The following CNTN5 variants were observed in gnomAD, a reference collection of about 807,000 sequenced individuals.
CNTN5 encodes the protein contactin-5.
A neutral mutation model predicts 129.1 loss-of-function variants in CNTN5; 77 were observed. The observed-to-expected ratio is 0.60, with a 90% CI of 0.50 to 0.72. The LOEUF (loss-of-function observed/expected upper bound fraction) is 0.72. CNTN5 is among the 30% of genes least tolerant of loss of function. CNTN5 has a pLI of 0.00. For missense variants in CNTN5, 1,478 were observed against 1,328.8 expected (o/e 1.11, Z -1.75); for synonymous variants, 509 against 465.6 (o/e 1.09, Z -1.20).
At chr11:99,386,044 C>A (rs1940905220) in intron 2 of CNTN5, among the ~76,000 whole-genome samples, 1 of 152,130 alleles carries the variant, frequency 6.6e-6, no homozygotes, top group Non-Finnish European at 1.5e-5. Context: ...TCTCTGAAGA[C>A]AAAGATCAAC....
At chr11:100,078,893 T>TGG (rs1375487067) in intron 13 of CNTN5, among the ~76,000 whole-genome samples, 3 of 152,064 alleles carry the variant, frequency 2.0e-5, no homozygotes, top group African/African-American at 7.2e-5. Flanking sequence ...TGCCCAAGAC[T>TGG]GGGTAATTTA....
At chr11:99,506,639 A>G (rs1417456815) in intron 2 of CNTN5, among the ~76,000 whole-genome samples, 1 of 152,218 alleles carries the variant, frequency 6.6e-6, no homozygotes. Context: ...CTGTAATGTC[A>G]CATTTTACTT....
intron 1 of CNTN5, among the ~76,000 whole-genome samples, chr11:99,181,160 C>G (rs1264998914): frequency 6.6e-6 from 1 of 152,100 alleles, no homozygotes; most frequent in African/African-American, 2.4e-5. Flanking sequence ...ATCTAGATTA[C>G]TGGGGAGGGG....
chr11:99,738,633 G>A (rs919788378), intron 3 of CNTN5, among the ~76,000 whole-genome samples: 3 of 151,436 alleles, frequency 2.0e-5, no homozygotes, highest in Non-Finnish European at 4.4e-5. Context: ...GTGTGTGTGT[G>A]TGTGTGTGTA....
intron 3 of CNTN5, among the ~76,000 whole-genome samples, chr11:99,663,155 A>T (rs1226629291): frequency 2.6e-5 from 4 of 152,134 alleles, no homozygotes; most frequent in Non-Finnish European, 5.9e-5. Context: ...ACAAATTTAA[A>T]TATTTTAAGA....
At chr11:99,568,498 T>C (rs1245264707) in intron 3 of CNTN5, among the ~76,000 whole-genome samples, 1 of 152,226 alleles carries the variant, frequency 6.6e-6, no homozygotes, top group Admixed American at 6.5e-5. Context: ...TATGCAGTCA[T>C]TTGAATAATT....
intron 2 of CNTN5, among the ~76,000 whole-genome samples, chr11:99,330,802 A>G (rs2851134): frequency 0.38 from 57,193 of 151,934 alleles, 11,241 homozygotes; most frequent in East Asian, 0.53. Flanking sequence ...CTTTCCTGTC[A>G]TTTGTTTCTT....
At chr11:100,172,608 G>GTATT (rs1947857520) in intron 13 of CNTN5, among the ~76,000 whole-genome samples, 1 of 152,002 alleles carries the variant, frequency 6.6e-6, no homozygotes, top group African/African-American at 2.4e-5. Flanking sequence ...GATAAGTAAT[G>GTATT]TATTAGATAT....
chr11:99,380,242 T>C (rs1394792337), intron 2 of CNTN5, among the ~76,000 whole-genome samples: 2 of 152,134 alleles, frequency 1.3e-5, no homozygotes, highest in African/African-American at 4.8e-5. Flanking sequence ...ATACTTTTTT[T>C]CAGAGAATAC....
chr11:100,248,100 A>C (rs938851558), intron 16 of CNTN5, among the ~76,000 whole-genome samples: 3 of 152,160 alleles, frequency 2.0e-5, no homozygotes, highest in Non-Finnish European at 4.4e-5. Context: ...CTGTCCTCAA[A>C]CAGTATTTAT....
chr11:99,345,960 A>G (rs1010507944), intron 2 of CNTN5, among the ~76,000 whole-genome samples: 1 of 152,224 alleles, frequency 6.6e-6, no homozygotes, highest in Non-Finnish European at 1.5e-5. Flanking sequence ...ACATACATTA[A>G]TGCATATTTC....
chr11:99,521,908 G>C (rs370173349), intron 2 of CNTN5, among the ~76,000 whole-genome samples: 34 of 152,302 alleles, frequency 2.2e-4, no homozygotes, highest in African/African-American at 7.9e-4. Context: ...TAAGGAACAG[G>C]CTCAAAATGT....
chr11:99,170,398 T>C (rs1245550945), intron 1 of CNTN5, among the ~76,000 whole-genome samples: 1 of 152,198 alleles, frequency 6.6e-6, no homozygotes, highest in Non-Finnish European at 1.5e-5. Flanking sequence ...GGTCTAATCT[T>C]GGCTTTGTAA....
chr11:100,129,920 G>A (rs891301088), intron 13 of CNTN5, among the ~76,000 whole-genome samples: 40 of 151,852 alleles, frequency 2.6e-4, no homozygotes, highest in Admixed American at 1.3e-3. Flanking sequence ...ATCATTAGTC[G>A]TGGTAAAAAA....
rs1943407235 is a variant in CNTN5 at position 99,432,374 on chromosome 11, G to GT, written c.-71+106891dup. Among the ~76,000 whole-genome samples the GT allele has an allele frequency of 2.6e-5, 4 of 152,190 alleles. No individual in the cohort carries two copies. In the South Asian group the frequency reaches 8.3e-4, roughly 32 times the overall value. Reference sequence around the variant, plus strand: ...CGTCAACTGCACAGATACAAAAAAAGTAACTACGTAGAAGATTTAACCAGA... The same window carrying GT: ...CGTCAACTGCACAGATACAAAAAAAGTTAACTACGTAGAAGATTTAACCAGA... On this transcript the variant is annotated intron_variant, in intron 2 of 24. Transcript: ENST00000524871.
chr11:99,382,229 C>T (rs188428286), intron 2 of CNTN5, among the ~76,000 whole-genome samples: 1 of 152,132 alleles, frequency 6.6e-6, no homozygotes, highest in East Asian at 1.9e-4. Flanking sequence ...AGAAGTTGTA[C>T]CCTAGAGGAA....
chr11:99,469,286 G>C (rs1303352042), intron 2 of CNTN5, among the ~76,000 whole-genome samples: 1 of 152,036 alleles, frequency 6.6e-6, no homozygotes, highest in Non-Finnish European at 1.5e-5. Flanking sequence ...ATTAATAATT[G>C]CATGATTAGA....
intron 9 of CNTN5, among the ~76,000 whole-genome samples, chr11:100,024,245 C>T (rs371342309): frequency 6.6e-6 from 1 of 152,188 alleles, no homozygotes; most frequent in African/African-American, 2.4e-5. Context: ...AGGCACTTCT[C>T]TTTCCTGCCA....
intron 17 of CNTN5, among the ~76,000 whole-genome samples, chr11:100,268,976 A>G (rs907566499): frequency 2.0e-5 from 3 of 152,194 alleles, no homozygotes; most frequent in African/African-American, 7.2e-5. Flanking sequence ...GAGGTTCATT[A>G]AAAATATTAG....
Sources: allele counts gnomAD v4.1 joint callset (sites outside exome capture counted in the v4.1 genomes callset), GRCh38; gene constraint gnomAD v4.1.1; transcripts MANE v1.5; gene names NCBI Gene and HGNC (gene_info 2026-07-23, HGNC 2026-07-21).